Variants in ENPP6 observed in about 807,000 individuals in gnomAD.
The protein encoded by ENPP6 is glycerophosphocholine cholinephosphodiesterase ENPP6.
Under a neutral mutation model 42.0 loss-of-function variants are expected in ENPP6, and 32 were observed. That is an observed-to-expected ratio of 0.76 (90% confidence interval 0.58 to 1.02). The LOEUF (loss-of-function observed/expected upper bound fraction) is 1.02, where lower values mean the gene tolerates loss of function less well. Among genes scored for constraint, ENPP6 ranks in the 50% least tolerant of loss-of-function variants. The pLI is 0.00. For synonymous variants in ENPP6, 213 were observed against 216.0 expected (o/e 0.99, Z 0.12); for missense variants, 552 against 566.8 (o/e 0.97, Z 0.27).
At chr4:184,196,122 A>G (rs1732791517) in intron 1 of ENPP6, among the ~76,000 whole-genome samples, 1 of 152,024 alleles carries the variant, frequency 6.6e-6, no homozygotes, top group African/African-American at 2.4e-5. Flanking sequence ...TTGTCACCCC[A>G]TCTCTGCCCC....
intron 3 of ENPP6, among the ~76,000 whole-genome samples, chr4:184,123,638 C>T (rs1736455702): frequency 6.6e-6 from 1 of 152,080 alleles, no homozygotes; most frequent in South Asian, 2.1e-4. Flanking sequence ...CTCTTGTGTG[C>T]TATACAAGAG....
chr4:184,169,070 C>T (rs534823277), intron 1 of ENPP6, among the ~76,000 whole-genome samples: 3 of 152,336 alleles, frequency 2.0e-5, no homozygotes, highest in Admixed American at 6.5e-5. Flanking sequence ...TTTTAAACCA[C>T]AATTTGTAAT....
chr4:184,095,548 T>A (rs938133417), intron 7 of ENPP6, among the ~76,000 whole-genome samples: 5 of 151,818 alleles, frequency 3.3e-5, no homozygotes, highest in African/African-American at 1.2e-4. Context: ...GAATCCCAGC[T>A]ATTGAGGTGG....
At chr4:184,181,901 A>G (rs1264957005) in intron 1 of ENPP6, among the ~76,000 whole-genome samples, 7 of 152,330 alleles carry the variant, frequency 4.6e-5, no homozygotes, top group African/African-American at 1.7e-4. Context: ...TAAAACTATA[A>G]AAACCCTAGA....
intron 2 of ENPP6, among the ~76,000 whole-genome samples, chr4:184,132,501 T>C (rs1226907796): frequency 6.6e-6 from 1 of 152,154 alleles, no homozygotes; most frequent in Non-Finnish European, 1.5e-5. Flanking sequence ...TTTCTAGTAA[T>C]GTCTTTTCAT....
At position 184,119,154 on chromosome 4, in the gene ENPP6, C is replaced by T. The variant is rs147683502; in HGVS notation, c.534-1254G>A. ...CTGATTGGAGTTCAGACTCCGGAAA[C>T]GTAGCTGTTAGCTTGTAGGAAACTG... On this transcript the variant is annotated intron_variant, in intron 3 of 7. Coordinates refer to ENST00000296741, the MANE Select transcript of ENPP6 (RefSeq NM_153343.4). Among the ~76,000 whole-genome samples, 35 of 152,260 alleles carry T rather than the reference C, an allele frequency of 2.3e-4. 1 individual carries two copies. The East Asian group carries it at 2.9e-3, about 13-fold the overall frequency.
At chr4:184,126,523 G>T (rs1436720336) in intron 2 of ENPP6, among the ~76,000 whole-genome samples, 1 of 152,196 alleles carries the variant, frequency 6.6e-6, no homozygotes, top group African/African-American at 2.4e-5. Context: ...AGAATCAAGA[G>T]AAATTCCCCC....
chr4:184,090,988 C>T lies in ENPP6; in HGVS notation c.*189G>A. Reference sequence around the variant, plus strand: ...AGGATTTTCCTACCTTCTGGAAAAACAAGGTTTGTATCTTTTTTAACAAGT... The same window carrying T: ...AGGATTTTCCTACCTTCTGGAAAAATAAGGTTTGTATCTTTTTTAACAAGT... On this transcript the variant is annotated 3_prime_UTR_variant, in exon 8 of 8. Coordinates refer to ENST00000296741, the MANE Select transcript of ENPP6 (RefSeq NM_153343.4). The T allele has an allele frequency of 1.9e-6, 1 of 523,144 alleles. No individual in the cohort carries two copies. Among genetic ancestry groups the T allele is most frequent in the Non-Finnish European group, 3.1e-6 (1 of 325,232 alleles). 32.4% of individuals were successfully genotyped at this position (523,144 alleles called of 1,614,324 possible).
chr4:184,180,221 C>T lies in ENPP6; in HGVS notation c.242-26488G>A, dbSNP rs551386585. 2.9e-3 allele frequency among the ~76,000 whole-genome samples: 448 copies of T among 152,260 alleles called. 3 individuals carry two copies. Among genetic ancestry groups the T allele is most frequent in the Non-Finnish European group, 3.4e-3 (232 of 68,000 alleles). ...AAATACATACAACCATCAGAGAATA[C>T]TATAAATACCCCTATGCAAATAAAC... On this transcript the variant is annotated intron_variant, in intron 1 of 7. Transcript: ENST00000296741.
intron 6 of ENPP6, among the ~76,000 whole-genome samples, chr4:184,111,132 C>T (rs1348011651): frequency 6.6e-6 from 1 of 152,152 alleles, no homozygotes; most frequent in Non-Finnish European, 1.5e-5. Context: ...CACCAAGATG[C>T]CCGATCACTT....
At chr4:184,137,297 A>G (rs1463871723) in intron 2 of ENPP6, among the ~76,000 whole-genome samples, 2 of 152,098 alleles carry the variant, frequency 1.3e-5, no homozygotes, top group African/African-American at 4.8e-5. Flanking sequence ...GAGTTTCACC[A>G]TGTTGGCCAG....
chr4:184,119,849 G>T (rs1298096182), intron 3 of ENPP6, among the ~76,000 whole-genome samples: 9 of 152,168 alleles, frequency 5.9e-5, no homozygotes, highest in Admixed American at 3.9e-4. Flanking sequence ...TTGCTGCCAT[G>T]TGAAGAAGGA....
chr4:184,184,898 A>AGT lies in ENPP6; in HGVS notation c.242-31167_242-31166dup, dbSNP rs769518842. Reference sequence around the variant, plus strand: ...GTTGTCTGAGCCACCCAGCGTGTGGAGTGTGTGACAGCAGCCCTAGGGAGC... The same window carrying AGT: ...GTTGTCTGAGCCACCCAGCGTGTGGAGTGTGTGTGACAGCAGCCCTAGGGAGC... On this transcript the variant is annotated intron_variant, in intron 1 of 7. Coordinates refer to ENST00000296741, the MANE Select transcript of ENPP6 (RefSeq NM_153343.4). The surrounding 1 kb of genome is among the most constrained non-coding windows in gnomAD (Gnocchi z 4.7). Among the ~76,000 whole-genome samples the AGT allele has an allele frequency of 1.3e-5, 2 of 152,154 alleles. No homozygotes were observed. The highest frequency in any genetic ancestry group is 2.1e-4 in the South Asian group (1 of 4,818).
chr4:184,155,947 C>A (rs1737153362), intron 1 of ENPP6, among the ~76,000 whole-genome samples: 1 of 152,126 alleles, frequency 6.6e-6, no homozygotes. Context: ...TTATAAGGAG[C>A]TTCTTGTGGA....
chr4:184,165,306 A>G (rs1259178682), intron 1 of ENPP6, among the ~76,000 whole-genome samples: 2 of 152,182 alleles, frequency 1.3e-5, no homozygotes, highest in Admixed American at 1.3e-4. Flanking sequence ...TATTACCTCC[A>G]TTTTGCTGAT....
At chr4:184,178,136 G>A (rs1732483054) in intron 1 of ENPP6, among the ~76,000 whole-genome samples, 2 of 152,004 alleles carry the variant, frequency 1.3e-5, no homozygotes, top group African/African-American at 4.8e-5. Context: ...AAACACTACG[G>A]GAGCTGTTAA....
intron 2 of ENPP6, among the ~76,000 whole-genome samples, chr4:184,151,370 C>T (rs916603376): frequency 6.6e-6 from 1 of 152,124 alleles, no homozygotes; most frequent in African/African-American, 2.4e-5. Flanking sequence ...AATAATAATA[C>T]CCTGTACTGC....
chr4:184,173,732 C>T lies in ENPP6; in HGVS notation c.242-19999G>A, dbSNP rs191369726. On this transcript the variant is annotated intron_variant, in intron 1 of 7. Coordinates refer to ENST00000296741, the MANE Select transcript of ENPP6 (RefSeq NM_153343.4). Reference sequence around the variant, plus strand: ...CTTAGAGATATTCTGGTTAAAACACCCACCCATTTCTGGAGTATCTGTTGT... The same window carrying T: ...CTTAGAGATATTCTGGTTAAAACACTCACCCATTTCTGGAGTATCTGTTGT... Among the ~76,000 whole-genome samples, 38 of 152,260 alleles carry T rather than the reference C, an allele frequency of 2.5e-4. No individual in the cohort carries two copies. In the East Asian group the frequency reaches 7.1e-3, roughly 29 times the overall value.
At chr4:184,200,203 G>A (rs1296108052) in intron 1 of ENPP6, among the ~76,000 whole-genome samples, 1 of 152,188 alleles carries the variant, frequency 6.6e-6, no homozygotes, top group African/African-American at 2.4e-5. Flanking sequence ...CTCTGCCCAT[G>A]AGAGCTCTGA....
Sources: gnomAD v4.1 joint callset for allele counts (sites outside exome capture counted in the v4.1 genomes callset) on GRCh38, gnomAD v4.1.1 for gene constraint, Gnocchi (gnomAD v3.1) non-coding constraint, MANE v1.5 for transcripts, NCBI Gene and HGNC (gene_info 2026-07-23, HGNC 2026-07-21) for gene names.